The following UST variants were observed in gnomAD, a reference collection of about 807,000 sequenced individuals.
UST encodes chondroitin sulfate 2-O-sulfotransferase.
A neutral mutation model predicts 45.6 loss-of-function variants in UST; 21 were observed. That is an observed-to-expected ratio of 0.46 (90% CI 0.33 to 0.66). UST has a LOEUF of 0.66. Ranked by LOEUF, UST falls within the 30% of genes least tolerant of loss-of-function variation. UST has a pLI of 0.02. For missense variants in UST, 463 were observed against 512.4 expected (o/e 0.90, Z 0.93); for synonymous variants, 215 against 200.6 (o/e 1.07, Z -0.61).
chr6:148,917,166 G>A (rs1309429590), intron 2 of UST, among the ~76,000 whole-genome samples: 1 of 152,158 alleles, frequency 6.6e-6, no homozygotes, highest in East Asian at 1.9e-4. Context: ...GGCTGCTTAG[G>A]GCAGCAGCAC....
chr6:148,899,290 G>A (rs1401005815), intron 2 of UST, among the ~76,000 whole-genome samples: 2 of 152,006 alleles, frequency 1.3e-5, no homozygotes, highest in Non-Finnish European at 2.9e-5. Flanking sequence ...TAGTGGAGAC[G>A]GGGTTTCACC....
chr6:149,009,312 A>G (rs1775766115), intron 5 of UST, among the ~76,000 whole-genome samples: 2 of 152,202 alleles, frequency 1.3e-5, no homozygotes, highest in Admixed American at 1.3e-4. Flanking sequence ...ATTATAAAAG[A>G]TCATTCAAGT....
rs147660448 is a variant in UST at position 148,860,191 on chromosome 6, T to A, written c.248-26795T>A. Among the ~76,000 whole-genome samples the A allele has an allele frequency of 1.0e-3, 156 of 152,380 alleles. 2 individuals carry two copies. In the East Asian group the frequency reaches 0.025, roughly 25 times the overall value. On this transcript the variant is annotated intron_variant, in intron 1 of 7. Transcript: ENST00000367463. ...TTCTTTGAGCAGTGGTTTGTAGTTC[T>A]CTTTGAAGATGTCCTTCACATCACT...
chr6:149,060,921 T>C (rs1170703639), intron 7 of UST, among the ~76,000 whole-genome samples: 3 of 152,184 alleles, frequency 2.0e-5, no homozygotes, highest in African/African-American at 7.2e-5. Context: ...GCCCCTCTTT[T>C]GGTTGTTATT....
chr6:148,888,841 C>G (rs1213852279), intron 2 of UST, among the ~76,000 whole-genome samples: 1 of 152,186 alleles, frequency 6.6e-6, no homozygotes, highest in Non-Finnish European at 1.5e-5. Context: ...AAAATAGCCT[C>G]TATTCTAGAG....
intron 5 of UST, among the ~76,000 whole-genome samples, chr6:148,968,584 G>C (rs1028777452): frequency 2.6e-5 from 4 of 152,200 alleles, no homozygotes; most frequent in Non-Finnish European, 5.9e-5. Context: ...TTTATTTCCA[G>C]GGTAGGGAAA....
At chr6:148,924,815 G>A (rs1350910598) in intron 2 of UST, among the ~76,000 whole-genome samples, 1 of 152,164 alleles carries the variant, frequency 6.6e-6, no homozygotes, top group Non-Finnish European at 1.5e-5. Context: ...CTCTCAGCCA[G>A]GCTGCATGAA....
intron 1 of UST, among the ~76,000 whole-genome samples, chr6:148,876,793 C>G (rs1381768744): frequency 6.6e-6 from 1 of 151,724 alleles, no homozygotes; most frequent in African/African-American, 2.4e-5. Context: ...ATTGGATTCA[C>G]GTGGGCATGG....
chr6:148,894,826 T>TTTTTTTTTTTTTTTTTTTTTTTTC (rs1562292308), intron 2 of UST, among the ~76,000 whole-genome samples: 1 of 138,382 alleles, frequency 7.2e-6, no homozygotes, highest in Non-Finnish European at 1.5e-5. Context: ...TTTTTTTTTT[T>TTTTTTTTTTTTTTTTTTTTTTTTC]TTTTTTTTTT....
At chr6:148,985,722 C>T (rs1032168308) in intron 5 of UST, among the ~76,000 whole-genome samples, 2 of 152,128 alleles carry the variant, frequency 1.3e-5, no homozygotes, top group African/African-American at 4.8e-5. Flanking sequence ...GGGATTGTCA[C>T]GTTCTCTTTC....
In UST at chr6:148,964,076, G is replaced by GC. The variant is rs1780725938; in HGVS notation, c.528-329dup. Among the ~76,000 whole-genome samples, 5 of 152,252 alleles carry GC rather than the reference G, an allele frequency of 3.3e-5. No individual in the cohort carries two copies. The South Asian group carries it at 1.0e-3, about 32-fold the overall frequency. On this transcript the variant is annotated intron_variant, in intron 4 of 7. Coordinates refer to ENST00000367463, the MANE Select transcript of UST (RefSeq NM_005715.3). ...GAAATACTAAATCCAATACAGAGTGGCCCCCATCCTCAAGAAACCTACAGC... is the reference window on the plus strand; with the variant it reads ...GAAATACTAAATCCAATACAGAGTGGCCCCCCATCCTCAAGAAACCTACAGC...
At chr6:148,885,782 C>G (rs1203661982) in intron 1 of UST, among the ~76,000 whole-genome samples, 4 of 152,200 alleles carry the variant, frequency 2.6e-5, no homozygotes, top group African/African-American at 9.7e-5. Context: ...CCTGCTTCCC[C>G]CTTCTTAGTC....
At chr6:149,051,816 A>G (rs1776492311) in intron 7 of UST, among the ~76,000 whole-genome samples, 1 of 152,194 alleles carries the variant, frequency 6.6e-6, no homozygotes, top group South Asian at 2.1e-4. Flanking sequence ...GTCATGAATG[A>G]TTTTTGAATG....
chr6:148,896,283 C>A (rs1368454861), intron 2 of UST, among the ~76,000 whole-genome samples: 1 of 152,230 alleles, frequency 6.6e-6, no homozygotes, highest in Non-Finnish European at 1.5e-5. Context: ...AACCTCAAAG[C>A]CTATTTTTCA....
At chr6:148,940,555 A>G (rs1780106259) in intron 2 of UST, among the ~76,000 whole-genome samples, 1 of 152,162 alleles carries the variant, frequency 6.6e-6, no homozygotes, top group Admixed American at 6.5e-5. Flanking sequence ...AGAAATTGGA[A>G]CCCTCATATG....
intron 4 of UST, among the ~76,000 whole-genome samples, chr6:148,954,565 T>G (rs920871393): frequency 5.9e-5 from 9 of 152,194 alleles, no homozygotes; most frequent in African/African-American, 1.7e-4. Flanking sequence ...CTGTCCAGGT[T>G]TGTAGCCCAG....
chr6:148,838,806 T>A (rs1404639170), intron 1 of UST, among the ~76,000 whole-genome samples: 6 of 151,092 alleles, frequency 4.0e-5, no homozygotes, highest in Non-Finnish European at 8.8e-5. Flanking sequence ...GGAAGAAGAG[T>A]AGAGGCGGGA....
chr6:148,835,039 A>C (rs1488682319), intron 1 of UST, among the ~76,000 whole-genome samples: 2 of 152,208 alleles, frequency 1.3e-5, no homozygotes, highest in Non-Finnish European at 2.9e-5. Flanking sequence ...AATATAAAAC[A>C]TGTTATGATC....
chr6:148,781,606 A>G (rs1460575184), intron 1 of UST, among the ~76,000 whole-genome samples: 2 of 64,558 alleles, frequency 3.1e-5, no homozygotes, highest in Admixed American at 2.6e-4. Context: ...TACACTAAAC[A>G]ACAGATTTTC....
Sources: allele counts gnomAD v4.1 joint callset (sites outside exome capture counted in the v4.1 genomes callset), GRCh38; gene constraint gnomAD v4.1.1; transcripts MANE v1.5; gene names NCBI Gene and HGNC (gene_info 2026-07-23, HGNC 2026-07-21).